Variants in XKR9 observed in about 807,000 individuals in gnomAD.
XKR9 encodes XK related 9.
In XKR9, 32 loss-of-function variants were observed where a neutral mutation model predicts 32.0. That is an observed-to-expected ratio of 1.00 (90% CI 0.76 to 1.34). The LOEUF is 1.34. Ranked by LOEUF, XKR9 falls within the 40% of genes most tolerant of loss-of-function variation. The probability of loss-of-function intolerance (pLI) is 0.00; values close to 1 mark genes in which losing one functional copy is unlikely to be tolerated. For missense variants in XKR9, 546 were observed against 429.7 expected (o/e 1.27, Z -2.39); for synonymous variants, 168 against 143.4 (o/e 1.17, Z -1.22).
At chr8:70,844,565 A>G in the XKR9 span, among the ~76,000 whole-genome samples, 1 of 152,118 alleles carries the variant, frequency 6.6e-6, no homozygotes, top group African/African-American at 2.4e-5. Context: ...CCTGCTCACT[A>G]CAGCCTCAAG....
intron 2 of XKR9, among the ~76,000 whole-genome samples, chr8:70,747,713 C>T (rs1807078333): frequency 6.6e-6 from 1 of 152,078 alleles, no homozygotes; most frequent in Non-Finnish European, 1.5e-5. Context: ...TCTTAGATAC[C>T]TTTCTGAGTA....
chr8:70,977,189 A>G, the XKR9 span, among the ~76,000 whole-genome samples: 2 of 152,162 alleles, frequency 1.3e-5, no homozygotes, highest in African/African-American at 4.8e-5. Flanking sequence ...TCAAAAAACC[A>G]GATCCTAGAT....
At chr8:70,699,877 C>T (rs1440825284) in intron 3 of XKR9, among the ~76,000 whole-genome samples, 1 of 152,078 alleles carries the variant, frequency 6.6e-6, no homozygotes, top group Admixed American at 6.5e-5. Context: ...AGGCTTTGTT[C>T]GTTTCTTTTT....
At chr8:70,934,016 T>C in the XKR9 span, among the ~76,000 whole-genome samples, 2 of 151,614 alleles carry the variant, frequency 1.3e-5, no homozygotes, top group African/African-American at 4.9e-5. Context: ...ACATAAGTAG[T>C]GTTATTTAAA....
At chr8:70,827,733 T>A in the XKR9 span, among the ~76,000 whole-genome samples, 1 of 152,192 alleles carries the variant, frequency 6.6e-6, no homozygotes, top group African/African-American at 2.4e-5. Context: ...CAAAGAAATG[T>A]CAGCACTGCT....
chr8:71,038,287 TTCTC>T, the XKR9 span, among the ~76,000 whole-genome samples: 13,506 of 148,592 alleles, frequency 0.091, 709 homozygotes, highest in African/African-American at 0.14. Flanking sequence ...TTCTTTTCTT[TTCTC>T]TCTCTCTCTC....
intron 2 of XKR9, among the ~76,000 whole-genome samples, chr8:70,769,531 T>C (rs2380688): frequency 0.33 from 50,095 of 151,870 alleles, 9,378 homozygotes; most frequent in Non-Finnish European, 0.43. Flanking sequence ...CTGAAGTGTG[T>C]TTTCCAACTT....
At chr8:70,709,481 G>A (rs59475699) in intron 4 of XKR9, among the ~76,000 whole-genome samples, 11,030 of 152,134 alleles carry the variant, frequency 0.073, 488 homozygotes, top group Non-Finnish European at 0.089. Context: ...GAAATAAAAG[G>A]CATTCGAATA....
intron 2 of XKR9, among the ~76,000 whole-genome samples, chr8:70,760,780 C>T (rs1807298180): frequency 1.3e-5 from 2 of 152,134 alleles, no homozygotes; most frequent in African/African-American, 4.8e-5. Context: ...AAGTGTGTGT[C>T]ACAGGGGCTT....
the XKR9 span, among the ~76,000 whole-genome samples, chr8:70,947,504 CTAAG>C: frequency 2.6e-5 from 4 of 151,984 alleles, no homozygotes; most frequent in African/African-American, 7.3e-5. Flanking sequence ...CCTGAATGTG[CTAAG>C]TAATTGCAAA....
chr8:70,905,981 C>T, the XKR9 span, among the ~76,000 whole-genome samples: 1 of 152,222 alleles, frequency 6.6e-6, no homozygotes, highest in African/African-American at 2.4e-5. Context: ...GCTGATCCTT[C>T]TTCTGGAAGC....
At chr8:70,690,965 T>G in intron 3 of XKR9, among the ~76,000 whole-genome samples, 1 of 152,180 alleles carries the variant, frequency 6.6e-6, no homozygotes, top group East Asian at 1.9e-4. Context: ...TGGTAGTTCT[T>G]TTAACTCTTT....
intron 4 of XKR9, among the ~76,000 whole-genome samples, chr8:70,709,100 T>C (rs1805820580): frequency 6.6e-6 from 1 of 152,172 alleles, no homozygotes; most frequent in Non-Finnish European, 1.5e-5. Flanking sequence ...TGATCTAACA[T>C]GATCAAGTAG....
At chr8:70,703,118 T>C (rs1805596617) in intron 3 of XKR9, among the ~76,000 whole-genome samples, 1 of 152,188 alleles carries the variant, frequency 6.6e-6, no homozygotes, top group Admixed American at 6.5e-5. Flanking sequence ...TGTATGTTAC[T>C]GGTTTTGATC....
chr8:70,720,831 G>A (rs1806254758), intron 4 of XKR9, among the ~76,000 whole-genome samples: 1 of 152,146 alleles, frequency 6.6e-6, no homozygotes, highest in Non-Finnish European at 1.5e-5. Flanking sequence ...GAGTTAGGGA[G>A]GAGTCCCTCT....
At chr8:70,971,234 T>G in the XKR9 span, among the ~76,000 whole-genome samples, 2 of 152,230 alleles carry the variant, frequency 1.3e-5, no homozygotes, top group African/African-American at 4.8e-5. Flanking sequence ...GAGCATTTTT[T>G]CATATGCTTG....
At chr8:71,001,332 G>A in the XKR9 span, among the ~76,000 whole-genome samples, 1 of 152,042 alleles carries the variant, frequency 6.6e-6, no homozygotes, top group Admixed American at 6.6e-5. Context: ...CACCATCACG[G>A]CTTACTACAG....
chr8:70,873,408 C>T, the XKR9 span, among the ~76,000 whole-genome samples: 5 of 152,148 alleles, frequency 3.3e-5, no homozygotes, highest in Non-Finnish European at 7.3e-5. Context: ...AAAAAAGAGT[C>T]ACCCTTCTAG....
At chr8:70,787,275 G>T (rs972398828) in intron 2 of XKR9, among the ~76,000 whole-genome samples, 62 of 152,240 alleles carry the variant, frequency 4.1e-4, no homozygotes, top group African/African-American at 1.5e-3. Context: ...CTGATCACCT[G>T]TTTGAATTTT....
Sources: allele counts gnomAD v4.1 joint callset (sites outside exome capture counted in the v4.1 genomes callset), GRCh38; gene constraint gnomAD v4.1.1; transcripts MANE v1.5; gene names NCBI Gene and HGNC (gene_info 2026-07-23, HGNC 2026-07-21).